The following CA8 variants were observed in gnomAD, a reference collection of about 807,000 sequenced individuals.
The protein encoded by CA8 is carbonic anhydrase-related protein.
A neutral mutation model predicts 41.4 loss-of-function variants in CA8; 22 were observed. The ratio of observed to expected loss-of-function variants is 0.53; its 90% CI spans 0.38 to 0.76. The LOEUF is 0.76. Ranked by LOEUF, CA8 falls within the 30% of genes least tolerant of loss-of-function variation. CA8 has a pLI of 0.00. For missense variants in CA8, 270 were observed against 352.8 expected, an observed-to-expected ratio of 0.77 and a Z score of 1.88; for synonymous variants, 121 against 130.6, an observed-to-expected ratio of 0.93 and a Z score of 0.50.
At chr8:60,275,936 T>C (rs1804218480) in intron 2 of CA8, among the ~76,000 whole-genome samples, 1 of 152,234 alleles carries the variant, frequency 6.6e-6, no homozygotes, top group Non-Finnish European at 1.5e-5. Flanking sequence ...GTAATCATGA[T>C]GTCAAACATC....
chr8:60,228,864 T>G (rs1182548541), intron 4 of CA8, among the ~76,000 whole-genome samples: 1 of 152,226 alleles, frequency 6.6e-6, no homozygotes, highest in Non-Finnish European at 1.5e-5. Context: ...CCTCATATCT[T>G]GCAAATTCTA....
chr8:60,259,280 G>C (rs2130574881), intron 3 of CA8, among the ~76,000 whole-genome samples: 1 of 152,234 alleles, frequency 6.6e-6, no homozygotes, highest in African/African-American at 2.4e-5. Flanking sequence ...GAACCCAATT[G>C]AAAATATTTT....
At chr8:60,276,905 G>A (rs928492975) in intron 2 of CA8, among the ~76,000 whole-genome samples, 8 of 152,104 alleles carry the variant, frequency 5.3e-5, no homozygotes, top group Non-Finnish European at 1.0e-4. Context: ...GATCACCTGA[G>A]GTCAGGAGTT....
chr8:60,257,408 C>A (rs7463939), intron 3 of CA8, among the ~76,000 whole-genome samples: 76,970 of 152,054 alleles, frequency 0.51, 21,521 homozygotes, highest in African/African-American at 0.77. Context: ...TCTTCGCTGA[C>A]CTCTGAGCTA....
intron 4 of CA8, among the ~76,000 whole-genome samples, chr8:60,228,480 A>AATCC (rs1162835072): frequency 6.6e-6 from 1 of 152,160 alleles, no homozygotes; most frequent in Non-Finnish European, 1.5e-5. Context: ...AAACTCTTTG[A>AATCC]AGAGTCCACA....
chr8:60,253,158 C>T (rs1808509132), intron 3 of CA8, among the ~76,000 whole-genome samples: 1 of 152,104 alleles, frequency 6.6e-6, no homozygotes, highest in South Asian at 2.1e-4. Context: ...TGGCTTGAGC[C>T]CAACAGGTGG....
chr8:60,281,182 G>C lies in CA8; in HGVS notation c.-35C>G, dbSNP rs1243997870. On this transcript the variant is annotated 5_prime_UTR_variant, in exon 1 of 9. Coordinates refer to ENST00000317995, the MANE Select transcript of CA8 (RefSeq NM_004056.6). Reference sequence around the variant, plus strand: ...GCGGGGCCCCTCGGCGCTCTCGGCAGCAGTGCCTGCGCCTTCGCTGGGCGC... The same window carrying C: ...GCGGGGCCCCTCGGCGCTCTCGGCACCAGTGCCTGCGCCTTCGCTGGGCGC... 1 of 1,449,566 alleles carries C rather than the reference G, an allele frequency of 6.9e-7. No homozygotes were observed. The highest frequency in any genetic ancestry group is 9.4e-7 in the Non-Finnish European group (1 of 1,061,900). 89.8% of individuals were successfully genotyped at this position (1,449,566 alleles called of 1,614,324 possible).
At chr8:60,263,068 C>T (rs1260594743) in intron 3 of CA8, among the ~76,000 whole-genome samples, 4 of 152,130 alleles carry the variant, frequency 2.6e-5, no homozygotes, top group African/African-American at 9.7e-5. Context: ...TGGCCAGGCA[C>T]GGTGGCTCAC....
intron 8 of CA8, among the ~76,000 whole-genome samples, chr8:60,203,845 C>A (rs1327359748): frequency 6.6e-6 from 1 of 152,094 alleles, no homozygotes; most frequent in East Asian, 1.9e-4. Flanking sequence ...CTTCATTTTC[C>A]TCCTCATTTA....
At chr8:60,194,011 A>G (rs1459278993) in intron 8 of CA8, among the ~76,000 whole-genome samples, 2 of 152,126 alleles carry the variant, frequency 1.3e-5, no homozygotes, top group African/African-American at 4.8e-5. Context: ...AGAATTTTCA[A>G]TTCTGCCTTC....
chr8:60,229,623 A>G (rs897964155), intron 4 of CA8, among the ~76,000 whole-genome samples: 8 of 152,100 alleles, frequency 5.3e-5, no homozygotes, highest in Non-Finnish European at 8.8e-5. Flanking sequence ...CACCTGAGCA[A>G]ACCAACCCTG....
chr8:60,240,279 T>G (rs751643544), intron 3 of CA8, among the ~76,000 whole-genome samples: 1 of 152,070 alleles, frequency 6.6e-6, no homozygotes, highest in South Asian at 2.1e-4. Context: ...GTTTTTTAGA[T>G]TATTGAGATG....
In CA8 at chr8:60,185,587, A is replaced by G. The variant is rs1805942002; in HGVS notation, c.*4434T>C. 6.6e-6 allele frequency among the ~76,000 whole-genome samples: 1 copy of G among 152,172 alleles called. No homozygotes were observed. Among genetic ancestry groups the G allele is most frequent in the South Asian group, 2.1e-4 (1 of 4,832 alleles). On this transcript the variant is annotated 3_prime_UTR_variant, in exon 9 of 9. Transcript: ENST00000317995. ...TTGTTTTTGAAAGCAGAAACAGAAA[A>G]ACGATTTGTCTTGTAGAAGGAAACC...
chr8:60,197,430 A>C (rs985996723), intron 8 of CA8, among the ~76,000 whole-genome samples: 1 of 151,616 alleles, frequency 6.6e-6, no homozygotes, highest in East Asian at 1.9e-4. Flanking sequence ...TACACTGTGG[A>C]CAAAAAAAAA....
intron 3 of CA8, among the ~76,000 whole-genome samples, chr8:60,254,425 T>C (rs1201808527): frequency 6.6e-6 from 1 of 152,158 alleles, no homozygotes; most frequent in African/African-American, 2.4e-5. Flanking sequence ...CCCTTTAATA[T>C]AGTCAGTCTC....
chr8:60,273,195 T>A (rs1804125079), intron 2 of CA8, among the ~76,000 whole-genome samples: 1 of 152,210 alleles, frequency 6.6e-6, no homozygotes, highest in Non-Finnish European at 1.5e-5. Flanking sequence ...TAAGAATGTC[T>A]GAAAAGAAAA....
At chr8:60,204,212 G>C (rs966157624) in intron 8 of CA8, among the ~76,000 whole-genome samples, 1 of 152,118 alleles carries the variant, frequency 6.6e-6, no homozygotes, top group African/African-American at 2.4e-5. Context: ...GTATACATGA[G>C]GTAAAAGGCA....
rs1355890437 is a variant in CA8 at position 60,272,185 on chromosome 8, A to G, written c.293-6136T>C. On this transcript the variant is annotated intron_variant, in intron 2 of 8. Transcript: ENST00000317995. ...TCCACATCCCTGCTCCACATAACTG[A>G]CCCATGACATTCTGTAGATTGCATC... Among the ~76,000 whole-genome samples, 4 of 152,116 alleles carry G rather than the reference A, an allele frequency of 2.6e-5. No homozygotes were observed. In the East Asian group the frequency reaches 5.8e-4, roughly 22 times the overall value.
At chr8:60,211,576 A>C (rs1806837527) in intron 7 of CA8, among the ~76,000 whole-genome samples, 1 of 152,222 alleles carries the variant, frequency 6.6e-6, no homozygotes, top group African/African-American at 2.4e-5. Flanking sequence ...ACTGGAGATA[A>C]ACCTTTCAAG....
Sources: allele counts gnomAD v4.1 joint callset (sites outside exome capture counted in the v4.1 genomes callset), GRCh38; gene constraint gnomAD v4.1.1; transcripts MANE v1.5; gene names NCBI Gene and HGNC (gene_info 2026-07-23, HGNC 2026-07-21).